The following PALLD variants were observed in gnomAD, a reference collection of about 807,000 sequenced individuals.
The protein encoded by PALLD is palladin.
In PALLD, 61 loss-of-function variants were observed where a neutral mutation model predicts 123.5. The ratio of observed to expected loss-of-function variants is 0.49; its 90% CI spans 0.40 to 0.61. PALLD has a LOEUF of 0.61. Ranked by LOEUF, PALLD falls within the 20% of genes least tolerant of loss-of-function variation. PALLD has a pLI of 0.00. For missense variants in PALLD, 1,273 were observed against 1,377.0 expected (o/e 0.92, Z 1.20); for synonymous variants, 465 against 496.4 (o/e 0.94, Z 0.84).
chr4:168,515,525 G>A (rs1259337082), intron 2 of PALLD, among the ~76,000 whole-genome samples: 1 of 152,170 alleles, frequency 6.6e-6, no homozygotes, highest in African/African-American at 2.4e-5. Context: ...GTTGGTGAGA[G>A]CAGAGACGCT....
intron 10 of PALLD, among the ~76,000 whole-genome samples, chr4:168,735,685 A>G (rs540931345): frequency 9.9e-5 from 15 of 152,228 alleles, no homozygotes; most frequent in African/African-American, 3.6e-4. Context: ...GTCAACAATC[A>G]TGTTGGTGAA....
At chr4:168,631,532 C>T in intron 2 of PALLD, 4 of 821,956 alleles carry the variant, frequency 4.9e-6, no homozygotes, top group Non-Finnish European at 5.9e-6. Context: ...AGCATTCCTC[C>T]CCAGGACACA....
chr4:168,818,467 G>A (rs965860218), intron 10 of PALLD, among the ~76,000 whole-genome samples: 1 of 152,144 alleles, frequency 6.6e-6, no homozygotes, highest in South Asian at 2.1e-4. Context: ...AGACGTGGCG[G>A]TGCACACCTG....
intron 2 of PALLD, among the ~76,000 whole-genome samples, chr4:168,563,818 A>G (rs1378194178): frequency 1.3e-5 from 2 of 152,242 alleles, no homozygotes; most frequent in Non-Finnish European, 2.9e-5. Context: ...ATGACCAAGA[A>G]TTGTGAAGCA....
intron 10 of PALLD, among the ~76,000 whole-genome samples, chr4:168,788,420 G>A (rs535280760): frequency 6.6e-6 from 1 of 152,284 alleles, no homozygotes; most frequent in African/African-American, 2.4e-5. Context: ...TTCTGGAAAA[G>A]GCAAAACTAT....
chr4:168,756,309 TA>T, intron 10 of PALLD: 1 of 222,240 alleles, frequency 4.5e-6, no homozygotes. Flanking sequence ...CCACAACAGC[TA>T]AAAACCAGGA....
chr4:168,696,487 A>G (rs1783140506), intron 8 of PALLD, among the ~76,000 whole-genome samples: 2 of 152,116 alleles, frequency 1.3e-5, no homozygotes, highest in Non-Finnish European at 1.5e-5. Context: ...CATCCCTGTC[A>G]GACAAGCAGA....
chr4:168,582,746 A>T (rs1360645151), intron 2 of PALLD, among the ~76,000 whole-genome samples: 1 of 152,110 alleles, frequency 6.6e-6, no homozygotes, highest in East Asian at 1.9e-4. Flanking sequence ...GCATATGTTG[A>T]ATTATTCTTG....
At chr4:168,874,525 A>T (rs1324860547) in intron 10 of PALLD, among the ~76,000 whole-genome samples, 3 of 152,208 alleles carry the variant, frequency 2.0e-5, no homozygotes, top group South Asian at 2.1e-4. Context: ...GATATTCTTA[A>T]ATATATTCTT....
intron 18 of PALLD, among the ~76,000 whole-genome samples, chr4:168,922,098 T>TACACAC (rs1351389289): frequency 6.0e-4 from 65 of 107,630 alleles, no homozygotes; most frequent in African/African-American, 1.8e-3. Flanking sequence ...TATATATATA[T>TACACAC]ATATACACAC....
chr4:168,591,964 A>G (rs1261526453), intron 2 of PALLD, among the ~76,000 whole-genome samples: 2 of 151,926 alleles, frequency 1.3e-5, no homozygotes, highest in African/African-American at 4.8e-5. Flanking sequence ...AATATGGATG[A>G]GTGAAATAAA....
intron 10 of PALLD, among the ~76,000 whole-genome samples, chr4:168,803,716 C>T (rs1687342697): frequency 6.6e-6 from 1 of 151,272 alleles, no homozygotes; most frequent in South Asian, 2.1e-4. Flanking sequence ...GGAAAATTGT[C>T]CAAGGAATTT....
chr4:168,872,204 G>A (rs1382862154), intron 10 of PALLD, among the ~76,000 whole-genome samples: 1 of 152,178 alleles, frequency 6.6e-6, no homozygotes, highest in Admixed American at 6.5e-5. Flanking sequence ...ACTTCAAATA[G>A]AGATCAACTT....
intron 10 of PALLD, 142 bp from the exon 11 acceptor site, chr4:168,890,780 A>G (rs908102760): frequency 3.5e-6 from 3 of 869,124 alleles, no homozygotes; most frequent in Admixed American, 1.8e-5. Flanking sequence ...GGTTCTTTCC[A>G]TCATAGTTGC....
At chr4:168,578,635 G>T (rs1769899084) in intron 2 of PALLD, among the ~76,000 whole-genome samples, 1 of 151,926 alleles carries the variant, frequency 6.6e-6, no homozygotes, top group Admixed American at 6.6e-5. Context: ...CTGATACAGT[G>T]TTCTAAACAA....
At chr4:168,732,205 C>A (rs2061233046) in intron 10 of PALLD, among the ~76,000 whole-genome samples, 1 of 152,184 alleles carries the variant, frequency 6.6e-6, no homozygotes, top group African/African-American at 2.4e-5. Context: ...ATCCCTATTC[C>A]ACAATATCAT....
intron 10 of PALLD, among the ~76,000 whole-genome samples, chr4:168,875,339 A>G (rs1466185429): frequency 6.6e-6 from 1 of 152,152 alleles, no homozygotes; most frequent in East Asian, 1.9e-4. Flanking sequence ...GTGAAAATCA[A>G]CTTTTCTAAA....
intron 6 of PALLD, among the ~76,000 whole-genome samples, chr4:168,688,999 C>T (rs535051307): frequency 6.6e-6 from 1 of 152,190 alleles, no homozygotes; most frequent in Admixed American, 6.5e-5. Context: ...GACCCAGTCA[C>T]AAAGGAAGAA....
intron 10 of PALLD, among the ~76,000 whole-genome samples, chr4:168,872,020 C>T (rs1751149476): frequency 6.6e-6 from 1 of 152,180 alleles, no homozygotes; most frequent in East Asian, 1.9e-4. Flanking sequence ...TTATGAGAAA[C>T]AGTTCACATT....
Sources: gnomAD v4.1 joint callset for allele counts (sites outside exome capture counted in the v4.1 genomes callset) on GRCh38, gnomAD v4.1.1 for gene constraint, MANE v1.5 for transcripts, NCBI Gene and HGNC (gene_info 2026-07-23, HGNC 2026-07-21) for gene names.